The following SETBP1 variants were observed in gnomAD, a reference collection of about 807,000 sequenced individuals.
SETBP1 encodes the protein SET-binding protein.
SETBP1 carries 9 observed loss-of-function variants against 101.0 expected under a neutral mutation model. The observed-to-expected ratio is 0.09, with a 90% CI of 0.05 to 0.16. The LOEUF (loss-of-function observed/expected upper bound fraction) is 0.16. SETBP1 is among the 10% of genes least tolerant of loss of function. SETBP1 has a pLI of 1.00. For missense variants in SETBP1, 1,858 were observed against 2,033.8 expected (o/e 0.91, Z 1.66); for synonymous variants, 818 against 788.5 (o/e 1.04, Z -0.63).
chr18:44,735,220 A>T (rs1196831515), intron 2 of SETBP1, among the ~76,000 whole-genome samples: 1 of 152,210 alleles, frequency 6.6e-6, no homozygotes, highest in East Asian at 1.9e-4. Context: ...ATGTGTGCTG[A>T]AATCAATTGA....
intron 3 of SETBP1, among the ~76,000 whole-genome samples, chr18:44,911,146 A>C (rs750001377): frequency 6.6e-6 from 1 of 152,162 alleles, no homozygotes; most frequent in African/African-American, 2.4e-5. Context: ...CCCTTACCTG[A>C]AAATGTTGTA....
chr18:44,773,103 C>T (rs1049838056), intron 2 of SETBP1, among the ~76,000 whole-genome samples: 17 of 152,178 alleles, frequency 1.1e-4, no homozygotes, highest in Admixed American at 9.2e-4. Context: ...CTTCCTCTCC[C>T]ACCTACTCCT....
chr18:44,795,392 G>A (rs1192051297), intron 2 of SETBP1, among the ~76,000 whole-genome samples: 1 of 152,142 alleles, frequency 6.6e-6, no homozygotes, highest in African/African-American at 2.4e-5. Flanking sequence ...CTCATAGCCT[G>A]AGTCTCCTTC....
intron 2 of SETBP1, among the ~76,000 whole-genome samples, chr18:44,735,637 T>C (rs9956913): frequency 0.2 from 30,934 of 152,110 alleles, 3,292 homozygotes; most frequent in Non-Finnish European, 0.24. Flanking sequence ...GAGGGTCAGA[T>C]GCTGGAGTGG....
intron 3 of SETBP1, among the ~76,000 whole-genome samples, chr18:44,915,337 A>G (rs1439989756): frequency 6.6e-6 from 1 of 152,224 alleles, no homozygotes; most frequent in East Asian, 1.9e-4. Context: ...CTTTTCTTCC[A>G]GGCTAAAGGA....
intron 4 of SETBP1, among the ~76,000 whole-genome samples, chr18:44,978,382 T>A (rs1444806253): frequency 6.6e-6 from 1 of 152,110 alleles, no homozygotes; most frequent in Non-Finnish European, 1.5e-5. Flanking sequence ...GGGGAAACCA[T>A]AACATTTTAC....
At chr18:44,753,275 G>C (rs1313101034) in intron 2 of SETBP1, among the ~76,000 whole-genome samples, 1 of 152,102 alleles carries the variant, frequency 6.6e-6, no homozygotes, top group East Asian at 1.9e-4. Flanking sequence ...CAGAAGAATG[G>C]GGATTTTGTG....
At position 44,680,985 on chromosome 18, in the gene SETBP1, AAAG is replaced by A. The variant is rs1337153848; in HGVS notation, c.-203_-201del. 6.6e-6 allele frequency: 1 copy of A among 152,204 alleles called. No homozygotes were observed. Among genetic ancestry groups the A allele is most frequent in the Non-Finnish European group, 1.5e-5 (1 of 68,096 alleles). The allele number at this position is 152,204 out of a possible 1,614,324, so 9.4% of individuals were successfully genotyped here. On this transcript the variant is annotated 5_prime_UTR_variant, in exon 1 of 6. Coordinates refer to ENST00000649279, the MANE Select transcript of SETBP1 (RefSeq NM_015559.3). ...TCAGAATCTAACGTGTCGTTAATAGAAAGAAGAACAGGCAAGAAGTGGTCCAGC... is the reference window on the plus strand; with the variant it reads ...TCAGAATCTAACGTGTCGTTAATAGAAAGAACAGGCAAGAAGTGGTCCAGC...
chr18:44,877,381 C>A, intron 3 of SETBP1: 1 of 980,096 alleles, frequency 1.0e-6, no homozygotes, highest in Non-Finnish European at 1.2e-6. Flanking sequence ...CAACACTGAG[C>A]TTTCCTAGTT....
At chr18:45,007,884 C>T (rs1475997105) in intron 4 of SETBP1, among the ~76,000 whole-genome samples, 1 of 152,176 alleles carries the variant, frequency 6.6e-6, no homozygotes, top group African/African-American at 2.4e-5. Context: ...ATCTATCCAT[C>T]CAGAGCCCAG....
intron 3 of SETBP1, among the ~76,000 whole-genome samples, chr18:44,908,061 A>C (rs565737323): frequency 3.7e-5 from 5 of 135,150 alleles, no homozygotes; most frequent in South Asian, 2.3e-4. Flanking sequence ...CTTCTTTTTT[A>C]TTTTTTATTT....
intron 4 of SETBP1, among the ~76,000 whole-genome samples, chr18:45,029,521 T>G (rs1396322267): frequency 6.6e-6 from 1 of 152,214 alleles, no homozygotes; most frequent in Non-Finnish European, 1.5e-5. Context: ...ATATGAACTT[T>G]AAAGTAGTTT....
chr18:44,898,075 T>A (rs936284576), intron 3 of SETBP1, among the ~76,000 whole-genome samples: 2 of 152,266 alleles, frequency 1.3e-5, no homozygotes, highest in Admixed American at 1.3e-4. Flanking sequence ...CTAAACTCAC[T>A]CAGGGCTCTT....
chr18:45,030,744 G>A (rs1305339067), intron 4 of SETBP1, among the ~76,000 whole-genome samples: 1 of 149,058 alleles, frequency 6.7e-6, no homozygotes, highest in Non-Finnish European at 1.5e-5. Context: ...TCTTGGGAGG[G>A]TGTATGTGTC....
At chr18:45,034,590 T>C (rs1480867756) in intron 4 of SETBP1, among the ~76,000 whole-genome samples, 2 of 152,206 alleles carry the variant, frequency 1.3e-5, no homozygotes, top group African/African-American at 4.8e-5. Flanking sequence ...GTTTTTCCTA[T>C]AGGTTTAAGT....
At chr18:44,962,670 A>G (rs573961697) in intron 4 of SETBP1, among the ~76,000 whole-genome samples, 1 of 152,356 alleles carries the variant, frequency 6.6e-6, no homozygotes, top group African/African-American at 2.4e-5. Context: ...AATAAGCTGC[A>G]TGTTGTAAAT....
At chr18:44,895,210 A>AAGAAAGGGAGGGGGAGGGAGAG (rs1357393173) in intron 3 of SETBP1, among the ~76,000 whole-genome samples, 46 of 68,386 alleles carry the variant, frequency 6.7e-4, no homozygotes, top group African/African-American at 2.6e-3. Context: ...GAGGGGAGGG[A>AAGAAAGGGAGGGGGAGGGAGAG]AGAAAGGGAG....
intron 3 of SETBP1, among the ~76,000 whole-genome samples, chr18:44,933,155 T>C (rs1302560757): frequency 1.3e-5 from 2 of 152,224 alleles, no homozygotes; most frequent in Non-Finnish European, 2.9e-5. Context: ...TTCTGTTTGT[T>C]AGTTTTCCTT....
chr18:45,001,922 G>A (rs2072625554), intron 4 of SETBP1, among the ~76,000 whole-genome samples: 1 of 152,132 alleles, frequency 6.6e-6, no homozygotes, highest in African/African-American at 2.4e-5. Context: ...CCCACAGAGT[G>A]AGAGGGAGCT....
Sources: allele counts gnomAD v4.1 joint callset (sites outside exome capture counted in the v4.1 genomes callset), GRCh38; gene constraint gnomAD v4.1.1; transcripts MANE v1.5; gene names NCBI Gene and HGNC (gene_info 2026-07-23, HGNC 2026-07-21).